The following RAI14 variants were observed in gnomAD, a reference collection of about 807,000 sequenced individuals.
RAI14 encodes the protein retinoic acid induced 14.
Under a neutral mutation model 115.4 loss-of-function variants are expected in RAI14, and 45 were observed. That is an observed-to-expected ratio of 0.39 (90% confidence interval 0.31 to 0.50). The LOEUF (loss-of-function observed/expected upper bound fraction) is 0.50. Among genes scored for constraint, RAI14 ranks in the 20% least tolerant of loss-of-function variants. The pLI, the probability that RAI14 is intolerant of heterozygous loss-of-function variation, is 0.85. For synonymous variants in RAI14, 371 were observed against 415.4 expected (o/e 0.89, Z 1.30); for missense variants, 939 against 1,131.2 (o/e 0.83, Z 2.44).
intron 11 of RAI14, 88 bp from the exon 12 acceptor site, chr5:34,814,495 G>T: frequency 1.1e-6 from 1 of 941,050 alleles, no homozygotes; most frequent in Admixed American, 1.9e-5. Flanking sequence ...TCATTGCATT[G>T]GTTAAACAGG....
At chr5:34,687,353 G>T (rs1737972095) in intron 2 of RAI14, among the ~76,000 whole-genome samples, 1 of 152,068 alleles carries the variant, frequency 6.6e-6, no homozygotes, top group Non-Finnish European at 1.5e-5. Flanking sequence ...TATTAGCATG[G>T]TTCATCTTTG....
chr5:34,772,222 G>A (rs1750253539), intron 3 of RAI14, among the ~76,000 whole-genome samples: 1 of 152,170 alleles, frequency 6.6e-6, no homozygotes, highest in Non-Finnish European at 1.5e-5. Flanking sequence ...TGTGTGCATA[G>A]TGATTTAACA....
chr5:34,759,573 G>T (rs1216202736), intron 3 of RAI14, among the ~76,000 whole-genome samples: 2 of 152,132 alleles, frequency 1.3e-5, no homozygotes, highest in African/African-American at 4.8e-5. Flanking sequence ...TCTAATGCCT[G>T]ATGATCTGTC....
chr5:34,674,013 G>A (rs778123775), intron 1 of RAI14, among the ~76,000 whole-genome samples: 1 of 152,138 alleles, frequency 6.6e-6, no homozygotes, highest in Non-Finnish European at 1.5e-5. Context: ...GACCACTTAT[G>A]GATCCACTAC....
chr5:34,771,290 T>C (rs1315115768), intron 3 of RAI14, among the ~76,000 whole-genome samples: 1 of 152,184 alleles, frequency 6.6e-6, no homozygotes, highest in Non-Finnish European at 1.5e-5. Context: ...CATTTCTTTG[T>C]GTGAGCGTTG....
At position 34,814,601 on chromosome 5, in the gene RAI14, C is replaced by G. The variant is rs895103187; in HGVS notation, c.871C>G (p.Pro291Ala). The change falls in exon 12 of 18, where the codon CCA becomes GCA. Residue 291 changes from proline (P) to alanine (A), a missense_variant. Pro to Ala is a conservative substitution (Grantham distance 27, BLOSUM62 -1). Coordinates refer to ENST00000265109, the MANE Select transcript of RAI14 (RefSeq NM_015577.3). ...SPTQLSDVSS[P>A]RSITSTPLSG... ...TTTTTAGTTGAGTGATGTCTCTTCC[C>G]CAAGATCAATAACTTCGACTCCACT... is the stretch of plus-strand genomic sequence containing the variant. 1.8e-5 allele frequency: 29 copies of G among 1,612,950 alleles called. No homozygotes were observed. The highest frequency in any genetic ancestry group is 2.2e-5 in the Non-Finnish European group (26 of 1,179,302).
intron 2 of RAI14, among the ~76,000 whole-genome samples, chr5:34,746,094 C>G (rs545163756): frequency 7.5e-6 from 1 of 133,816 alleles, no homozygotes; most frequent in East Asian, 2.1e-4. Flanking sequence ...CACCCCCTCC[C>G]CCCCCCGCCT....
intron 2 of RAI14, among the ~76,000 whole-genome samples, chr5:34,691,726 C>T (rs146637534): frequency 5.3e-5 from 8 of 152,020 alleles, no homozygotes; most frequent in East Asian, 1.9e-4. Context: ...CTTAATTTTA[C>T]GAAAGATTTA....
intron 4 of RAI14, among the ~76,000 whole-genome samples, chr5:34,796,333 G>C (rs867908423): frequency 6.6e-6 from 1 of 151,900 alleles, no homozygotes; most frequent in South Asian, 2.1e-4. Flanking sequence ...TGGAGGCGGA[G>C]GTTGCAGTGA....
At chr5:34,797,687 A>G (rs146076273) in intron 4 of RAI14, among the ~76,000 whole-genome samples, 5,096 of 152,288 alleles carry the variant, frequency 0.033, 130 homozygotes, top group Non-Finnish European at 0.047. Flanking sequence ...TGTTTTTCCA[A>G]TTAAAGTCAT....
At chr5:34,729,535 C>T (rs1263809474) in intron 2 of RAI14, among the ~76,000 whole-genome samples, 3 of 152,162 alleles carry the variant, frequency 2.0e-5, no homozygotes, top group Admixed American at 6.5e-5. Flanking sequence ...GATGGAAGTA[C>T]GCGCTACCTT....
At position 34,682,030 on chromosome 5, in the gene RAI14, T is replaced by G. The variant is rs969152017; in HGVS notation, c.-48-4842T>G. 1.1e-4 allele frequency among the ~76,000 whole-genome samples: 16 copies of G among 152,146 alleles called. 1 individual carries two copies. Among genetic ancestry groups the G allele is most frequent in the South Asian group, 4.2e-4 (2 of 4,816 alleles). ...GCCACCACGCCCGGCTAATTTTGTATTTTTGGTAGAGACAGGGTTTCACCA... is the reference window on the plus strand; with the variant it reads ...GCCACCACGCCCGGCTAATTTTGTAGTTTTGGTAGAGACAGGGTTTCACCA... On this transcript the variant is annotated intron_variant, in intron 1 of 17. Transcript: ENST00000265109.
At chr5:34,721,867 C>T (rs186380922) in intron 2 of RAI14, among the ~76,000 whole-genome samples, 29 of 152,218 alleles carry the variant, frequency 1.9e-4, no homozygotes, top group African/African-American at 4.1e-4. Flanking sequence ...CGTGCCACCA[C>T]GCCCAGCTGT....
chr5:34,659,025 A>C (rs553490105), intron 1 of RAI14: 2 of 152,118 alleles, frequency 1.3e-5, no homozygotes, highest in Non-Finnish European at 2.9e-5. Flanking sequence ...TAGCGCACAC[A>C]GTTCTCAAGC....
chr5:34,724,032 T>A (rs1012771210), intron 2 of RAI14, among the ~76,000 whole-genome samples: 1 of 152,348 alleles, frequency 6.6e-6, no homozygotes, highest in African/African-American at 2.4e-5. Flanking sequence ...TTATTTATTT[T>A]TGAGACGGAG....
chr5:34,796,833 A>T (rs1561046822), intron 4 of RAI14, among the ~76,000 whole-genome samples: 1 of 151,554 alleles, frequency 6.6e-6, no homozygotes, highest in Non-Finnish European at 1.5e-5. Context: ...CACACACACA[A>T]ACACACACAC....
At chr5:34,732,551 G>A (rs2150025984) in intron 2 of RAI14, among the ~76,000 whole-genome samples, 1 of 149,104 alleles carries the variant, frequency 6.7e-6, no homozygotes, top group African/African-American at 2.5e-5. Flanking sequence ...CAATCCTCCT[G>A]CCTCAGCCTC....
chr5:34,780,425 G>A (rs1351983140), intron 3 of RAI14, among the ~76,000 whole-genome samples: 1 of 152,160 alleles, frequency 6.6e-6, no homozygotes, highest in Non-Finnish European at 1.5e-5. Context: ...TACCATCAGA[G>A]TGAACAGGTA....
Position 34,715,252 on chromosome 5 carries a change from T to C in RAI14, c.36+28297T>C, listed in dbSNP as rs1579998956. Among the ~76,000 whole-genome samples the C allele has an allele frequency of 4.6e-5, 7 of 152,268 alleles. 1 individual carries two copies. Among genetic ancestry groups the C allele is most frequent in the Admixed American group, 4.6e-4 (7 of 15,286 alleles). ...TGGAACTGTGGTGTCACCGTTTTTATACCAAATGTGGGTGTTCCTGAAACT... is the reference window on the plus strand; with the variant it reads ...TGGAACTGTGGTGTCACCGTTTTTACACCAAATGTGGGTGTTCCTGAAACT... On this transcript the variant is annotated intron_variant, in intron 2 of 17. Transcript: ENST00000265109.
Sources: allele counts gnomAD v4.1 joint callset (sites outside exome capture counted in the v4.1 genomes callset), GRCh38; gene constraint gnomAD v4.1.1; transcripts MANE v1.5; gene names NCBI Gene and HGNC (gene_info 2026-07-23, HGNC 2026-07-21).